C1orf198: variants seen among roughly 807,000 people sequenced by gnomAD.
C1orf198 encodes uncharacterized protein C1orf198.
In C1orf198, 17 loss-of-function variants were observed where a neutral mutation model predicts 31.4. The observed-to-expected ratio is 0.54, with a 90% CI of 0.37 to 0.81. The LOEUF is 0.81. Ranked by LOEUF, C1orf198 falls within the 40% of genes least tolerant of loss-of-function variation. The pLI is 0.00. For synonymous variants in C1orf198, 175 were observed against 193.8 expected, an observed-to-expected ratio of 0.90 and a Z score of 0.81; for missense variants, 401 against 450.3, an observed-to-expected ratio of 0.89 and a Z score of 0.99.
chr1:230,868,089 G>A (rs1670162268), intron 1 of C1orf198, 91 bp downstream of exon 1: 2 of 1,236,764 alleles, frequency 1.6e-6, no homozygotes, highest in African/African-American at 3.2e-5. Context: ...CCTACCAGCT[G>A]GGGCGGCCTC....
intron 1 of C1orf198, among the ~76,000 whole-genome samples, chr1:230,867,800 C>T (rs1227499561): frequency 6.6e-6 from 1 of 152,208 alleles, no homozygotes; most frequent in Non-Finnish European, 1.5e-5. Context: ...TGACCCACCG[C>T]CATACAGGTA....
chr1:230,856,824 C>T (rs912525654), intron 1 of C1orf198, among the ~76,000 whole-genome samples: 4 of 152,296 alleles, frequency 2.6e-5, no homozygotes, highest in South Asian at 2.1e-4. Flanking sequence ...TATGTCCTTC[C>T]GTAAGTATCC....
At chr1:230,864,642 C>T (rs1055050671) in intron 1 of C1orf198, among the ~76,000 whole-genome samples, 2 of 152,162 alleles carry the variant, frequency 1.3e-5, no homozygotes, top group Non-Finnish European at 2.9e-5. Flanking sequence ...CCTTCTTGCC[C>T]AGCTCCACCG....
chr1:230,841,112 G>T (rs913082456), intron 3 of C1orf198, among the ~76,000 whole-genome samples: 1 of 152,230 alleles, frequency 6.6e-6, no homozygotes, highest in Admixed American at 6.5e-5. Flanking sequence ...GAGAAAGAGT[G>T]CTGGTTAGGG....
At chr1:230,842,723 A>G (rs1311169549) in intron 3 of C1orf198, among the ~76,000 whole-genome samples, 2 of 151,142 alleles carry the variant, frequency 1.3e-5, no homozygotes, top group African/African-American at 4.9e-5. Flanking sequence ...CCCAAAACCT[A>G]TGGAAATAAA....
chr1:230,844,311 A>G (rs558655523), intron 2 of C1orf198, among the ~76,000 whole-genome samples: 34 of 150,836 alleles, frequency 2.3e-4, no homozygotes, highest in South Asian at 6.3e-4. Flanking sequence ...AGGGTGTGGC[A>G]CCTCCCCCTG....
chr1:230,862,057 TCA>T (rs1670015900), intron 1 of C1orf198, among the ~76,000 whole-genome samples: 1 of 152,232 alleles, frequency 6.6e-6, no homozygotes, highest in South Asian at 2.1e-4. Context: ...GCAGAGTGTG[TCA>T]CCCTGTAGTG....
intron 2 of C1orf198, among the ~76,000 whole-genome samples, chr1:230,853,809 G>A (rs1669802811): frequency 6.6e-6 from 1 of 152,190 alleles, no homozygotes; most frequent in South Asian, 2.1e-4. Context: ...TGGTTCCTAA[G>A]GGACCAGATA....
intron 1 of C1orf198, among the ~76,000 whole-genome samples, chr1:230,858,704 G>A (rs560001574): frequency 2.6e-5 from 4 of 152,322 alleles, no homozygotes; most frequent in African/African-American, 9.6e-5. Context: ...GGCCAGGGTG[G>A]GGCATGATGG....
chr1:230,862,399 T>TA (rs1186429251), intron 1 of C1orf198, among the ~76,000 whole-genome samples: 7 of 152,310 alleles, frequency 4.6e-5, no homozygotes, highest in Admixed American at 2.6e-4. Context: ...ACTGAAGACT[T>TA]ACGTCCACAC....
At chr1:230,868,085 A>G in intron 1 of C1orf198, 95 bp downstream of exon 1, 1 of 1,177,694 alleles carries the variant, frequency 8.5e-7, no homozygotes, top group South Asian at 2.2e-5. Flanking sequence ...AGCCCCTACC[A>G]GCTGGGGCGG....
chr1:230,843,601 G>A lies in C1orf198; in HGVS notation c.680C>T (p.Pro227Leu). ...CGGGGCAGGTTCCTGCCGGTAGCAG[G>A]GAGGCAAGACCTTTTCCCCCTTCTC... ...SMEKGEKVLP[P>L]CYRQEPAPKD... The change falls in exon 3 of 4, where the codon CCC becomes CTC. Residue 227 changes from proline to leucine, a missense_variant. Coordinates refer to ENST00000366663, the MANE Select transcript of C1orf198 (RefSeq NM_032800.3). This position sits in a 1 kb window ranked among gnomAD's most constrained non-coding sequence, Gnocchi z 4.9. 6.2e-7 allele frequency: 1 copy of A among 1,614,214 alleles called. No homozygotes were observed. The highest frequency in any genetic ancestry group is 8.5e-7 in the Non-Finnish European group (1 of 1,180,026).
chr1:230,837,424 G>C lies in C1orf198; in HGVS notation c.*2428C>G, dbSNP rs549119191. The C allele has an allele frequency of 7.2e-5, 11 of 152,366 alleles. No homozygotes were observed. In the East Asian group the frequency reaches 1.9e-3, roughly 27 times the overall value. The allele number at this position is 152,366 out of a possible 1,614,324, so 9.4% of individuals were successfully genotyped here. ...AAAAATGAAGACACTGAATCCTTGA[G>C]CTGAATCCCAGGTGCAGAGACTGGG... is the stretch of plus-strand genomic sequence containing the variant. On this transcript the variant is annotated 3_prime_UTR_variant, in exon 4 of 4. Transcript: ENST00000366663.
Position 230,843,662 on chromosome 1 carries a change from A to G in C1orf198, c.619T>C (p.Phe207Leu), listed in dbSNP as rs1449846971. 6.2e-7 allele frequency: 1 copy of G among 1,613,970 alleles called. No individual in the cohort carries two copies. Among genetic ancestry groups the G allele is most frequent in the Non-Finnish European group, 8.5e-7 (1 of 1,180,014 alleles). ...ATCTGGCTAGGGGTCAGCGACTGGA[A>G]CTCGGCCTCAGGCCCCTCCCCTCGG... is the stretch of plus-strand genomic sequence containing the variant. ...RSRGEGPEAE[F>L]QSLTPSQIKS... is the part of the protein sequence containing the mutation. The change falls in exon 3 of 4, where the codon TTC becomes CTC. Residue 207 changes from phenylalanine (F) to leucine (L), a missense_variant. Transcript: ENST00000366663. The surrounding 1 kb of genome is among the most constrained non-coding windows in gnomAD (Gnocchi z 4.9).
intron 1 of C1orf198, among the ~76,000 whole-genome samples, chr1:230,861,632 C>T (rs930485800): frequency 3.9e-5 from 6 of 152,192 alleles, no homozygotes; most frequent in African/African-American, 7.2e-5. Flanking sequence ...CCTCACTCCC[C>T]CAGAGCCGGC....
Position 230,843,096 on chromosome 1 carries a change from G to A in C1orf198, c.927+258C>T, listed in dbSNP as rs1279368639. On this transcript the variant is annotated intron_variant, in intron 3 of 3. Transcript: ENST00000366663. This position sits in a 1 kb window ranked among gnomAD's most constrained non-coding sequence, Gnocchi z 4.9. ...CTCTTCTGATAGCAGCCCGCGCACT[G>A]GGGAAAGCGCAGTGGGCCACGGAAC... 2.0e-5 allele frequency among the ~76,000 whole-genome samples: 3 copies of A among 152,276 alleles called. No homozygotes were observed. Among genetic ancestry groups the A allele is most frequent in the African/African-American group, 7.2e-5 (3 of 41,478 alleles).
At position 230,857,588 on chromosome 1, in the gene C1orf198, G is replaced by A. The variant is rs4846873; in HGVS notation, c.334-1870C>T. Among the ~76,000 whole-genome samples, 4 of 152,254 alleles carry A rather than the reference G, an allele frequency of 2.6e-5. No homozygotes were observed. The highest frequency in any genetic ancestry group is 2.6e-4 in the Admixed American group (4 of 15,296). On this transcript the variant is annotated intron_variant, in intron 1 of 3. Transcript: ENST00000366663. The surrounding 1 kb of genome is among the most constrained non-coding windows in gnomAD (Gnocchi z 4.2). Reference sequence around the variant, plus strand: ...CCTTGGCTCTGTGCAGTAGAGGCTGGTACATTTGTGGCACAAATACTTCAC... The same window carrying A: ...CCTTGGCTCTGTGCAGTAGAGGCTGATACATTTGTGGCACAAATACTTCAC...
At chr1:230,842,950 C>T (rs1669483878) in intron 3 of C1orf198, among the ~76,000 whole-genome samples, 1 of 151,662 alleles carries the variant, frequency 6.6e-6, no homozygotes, top group Admixed American at 6.6e-5. Flanking sequence ...AGGCAGCTCC[C>T]CTGGCCCAAA....
chr1:230,855,592 A>G (rs1669852092), intron 2 of C1orf198, 76 bp downstream of exon 2: 1 of 1,516,196 alleles, frequency 6.6e-7, no homozygotes, highest in Middle Eastern at 2.0e-4. Context: ...TGAGTCCATC[A>G]AATGCTGAAA....
Sources: gnomAD v4.1 joint callset for allele counts (sites outside exome capture counted in the v4.1 genomes callset) on GRCh38, gnomAD v4.1.1 for gene constraint, Gnocchi (gnomAD v3.1) non-coding constraint, MANE v1.5 for transcripts, NCBI Gene and HGNC (gene_info 2026-07-23, HGNC 2026-07-21) for gene names.